The following HTR2C variants were observed in gnomAD, a reference collection of about 807,000 sequenced individuals.
The protein encoded by HTR2C is 5-hydroxytryptamine receptor 2C.
A neutral mutation model predicts 21.0 loss-of-function variants in HTR2C; 5 were observed. The observed-to-expected ratio is 0.24, with a 90% CI of 0.12 to 0.50. HTR2C has a LOEUF of 0.50. Among genes scored for constraint, HTR2C ranks in the 20% least tolerant of loss-of-function variants. The pLI, the probability that HTR2C is intolerant of heterozygous loss-of-function variation, is 0.98. For missense variants in HTR2C, 271 were observed against 371.2 expected, an observed-to-expected ratio of 0.73 and a Z score of 2.22; for synonymous variants, 150 against 145.3, an observed-to-expected ratio of 1.03 and a Z score of -0.23.
At chrX:114,789,461 A>G (rs782714152) in intron 4 of HTR2C, among the ~76,000 whole-genome samples, 2 of 112,062 alleles carry the variant, frequency 1.8e-5, no homozygotes, top group Non-Finnish European at 3.8e-5. Context: ...CGAAAGTGTC[A>G]TTAATTCTTT....
In HTR2C at chrX:114,839,513, C is replaced by G. The variant is rs782354848; in HGVS notation, c.350-8490C>G. Among the ~76,000 whole-genome samples, 168 of 110,768 alleles carry G rather than the reference C, an allele frequency of 1.5e-3. 2 individuals carry two copies. Among genetic ancestry groups the G allele is most frequent in the African/African-American group, 5.2e-3 (157 of 30,481 alleles). On this transcript the variant is annotated intron_variant, in intron 4 of 5. Coordinates refer to ENST00000276198, the MANE Select transcript of HTR2C (RefSeq NM_000868.4). ...ACCCACCTGGGCAACATGGCAAAACCCCATCTCTACAAAAAATACAAAAAT... is the reference window on the plus strand; with the variant it reads ...ACCCACCTGGGCAACATGGCAAAACGCCATCTCTACAAAAAATACAAAAAT...
intron 1 of HTR2C, among the ~76,000 whole-genome samples, chrX:114,601,470 G>A (rs782098040): frequency 1.9e-5 from 2 of 106,851 alleles, no homozygotes; most frequent in Non-Finnish European, 3.9e-5. Flanking sequence ...GGCAGGAGTG[G>A]GGGTCGCAAG....
intron 4 of HTR2C, among the ~76,000 whole-genome samples, chrX:114,745,431 A>T (rs1441313093): frequency 2.7e-5 from 3 of 112,039 alleles, no homozygotes; most frequent in Non-Finnish European, 5.6e-5. Flanking sequence ...CTGCTATATG[A>T]TCTAGCAATC....
chrX:114,895,304 T>C lies in HTR2C; in HGVS notation c.551-11285T>C, dbSNP rs56375036. On this transcript the variant is annotated intron_variant, in intron 5 of 5. Coordinates refer to ENST00000276198, the MANE Select transcript of HTR2C (RefSeq NM_000868.4). ...TGAACTTATGCTGTTATATTATTCT[T>C]ACATTATACATGAGGTAGTAGATCA... Among the ~76,000 whole-genome samples the C allele has an allele frequency of 9.2e-3, 1,033 of 112,128 alleles. 5 individuals carry two copies. The highest frequency in any genetic ancestry group is 0.018 in the Middle Eastern group (4 of 218).
chrX:114,768,283 C>A (rs2069965493), intron 4 of HTR2C, among the ~76,000 whole-genome samples: 1 of 110,800 alleles, frequency 9.0e-6, no homozygotes, highest in Non-Finnish European at 1.9e-5. Context: ...CCTACAGTAT[C>A]TCACTTAGCA....
chrX:114,637,864 T>A (rs147823526), intron 2 of HTR2C, among the ~76,000 whole-genome samples: 2 of 111,426 alleles, frequency 1.8e-5, no homozygotes, highest in South Asian at 7.5e-4. Flanking sequence ...TTTTTTGCAA[T>A]TGAAAAAAAA....
intron 4 of HTR2C, among the ~76,000 whole-genome samples, chrX:114,747,136 C>G (rs146005473): frequency 0.015 from 1,718 of 112,190 alleles, 32 homozygotes; most frequent in African/African-American, 0.053. Context: ...GATTGTGCCA[C>G]TGCACTTCAG....
At chrX:114,786,659 A>C (rs1472184915) in intron 4 of HTR2C, among the ~76,000 whole-genome samples, 2 of 111,182 alleles carry the variant, frequency 1.8e-5, no homozygotes, top group Non-Finnish European at 3.8e-5. Context: ...GAAAGGAATA[A>C]AATTAGGTTG....
chrX:114,801,703 G>T (rs1219382320), intron 4 of HTR2C, among the ~76,000 whole-genome samples: 4 of 110,918 alleles, frequency 3.6e-5, no homozygotes, highest in South Asian at 7.6e-4. Context: ...TGGTAGATGT[G>T]TTCGTTTATG....
At chrX:114,702,532 G>T (rs1418513840) in intron 2 of HTR2C, among the ~76,000 whole-genome samples, 68 of 110,908 alleles carry the variant, frequency 6.1e-4, no homozygotes, top group African/African-American at 2.2e-3. Flanking sequence ...TCACCACCAG[G>T]CCTGCCCTAA....
chrX:114,651,239 A>T (rs1298323475), intron 2 of HTR2C, among the ~76,000 whole-genome samples: 1 of 111,589 alleles, frequency 9.0e-6, no homozygotes, highest in Admixed American at 9.6e-5. Context: ...TTTAATTTGG[A>T]TGTGATGAAC....
intron 2 of HTR2C, among the ~76,000 whole-genome samples, chrX:114,724,016 T>G (rs1273550160): frequency 9.8e-6 from 1 of 102,093 alleles, no homozygotes; most frequent in African/African-American, 3.5e-5. Flanking sequence ...GAGAGTTCTG[T>G]AGATGTCTAT....
At chrX:114,723,783 C>T (rs1266952589) in intron 2 of HTR2C, among the ~76,000 whole-genome samples, 1 of 108,575 alleles carries the variant, frequency 9.2e-6, no homozygotes, top group African/African-American at 3.3e-5. Context: ...ACCCAGTAGT[C>T]ATTCAGGAGC....
intron 2 of HTR2C, among the ~76,000 whole-genome samples, chrX:114,668,546 T>C (rs1556411192): frequency 9.0e-6 from 1 of 111,596 alleles, no homozygotes; most frequent in Non-Finnish European, 1.9e-5. Context: ...AAATTCAAGA[T>C]AAGTGGGTGT....
intron 5 of HTR2C, among the ~76,000 whole-genome samples, chrX:114,900,968 C>T (rs2071333091): frequency 8.9e-6 from 1 of 112,261 alleles, no homozygotes; most frequent in South Asian, 3.7e-4. Context: ...GAATTGTTGT[C>T]ATGTAGCTGA....
chrX:114,588,144 A>C (rs1217047558), intron 1 of HTR2C, among the ~76,000 whole-genome samples: 1 of 112,215 alleles, frequency 8.9e-6, no homozygotes, highest in Non-Finnish European at 1.9e-5. Context: ...TATAGCTGGC[A>C]TTTGAAACAG....
intron 2 of HTR2C, among the ~76,000 whole-genome samples, chrX:114,699,892 G>T (rs2147306911): frequency 8.9e-6 from 1 of 112,149 alleles, no homozygotes; most frequent in African/African-American, 3.2e-5. Flanking sequence ...TTATATGACT[G>T]CCAGTTTACT....
intron 2 of HTR2C, among the ~76,000 whole-genome samples, chrX:114,618,093 C>T (rs1043603196): frequency 4.0e-4 from 45 of 111,911 alleles, no homozygotes; most frequent in Admixed American, 1.9e-3. Flanking sequence ...GAAGTCAAAA[C>T]ACATGGAATT....
intron 2 of HTR2C, among the ~76,000 whole-genome samples, chrX:114,702,499 C>A (rs1221416848): frequency 1.8e-5 from 2 of 110,543 alleles, no homozygotes; most frequent in Non-Finnish European, 3.8e-5. Flanking sequence ...CTTTTACAGA[C>A]AAGCAAATGC....
Sources: gnomAD v4.1 joint callset for allele counts (sites outside exome capture counted in the v4.1 genomes callset) on GRCh38, gnomAD v4.1.1 for gene constraint, MANE v1.5 for transcripts, NCBI Gene and HGNC (gene_info 2026-07-23, HGNC 2026-07-21) for gene names.